Variants in RAD51B observed in about 807,000 individuals in gnomAD.
The protein encoded by RAD51B is DNA repair protein RAD51 homolog 2.
A neutral mutation model predicts 42.2 loss-of-function variants in RAD51B; 38 were observed. The ratio of observed to expected loss-of-function variants is 0.90; its 90% CI spans 0.70 to 1.18. The LOEUF (loss-of-function observed/expected upper bound fraction) is 1.18, where lower values mean the gene tolerates loss of function less well. Among genes scored for constraint, RAD51B ranks in the 50% most tolerant of loss-of-function variants. The probability of loss-of-function intolerance (pLI) is 0.00; values close to 1 mark genes in which losing one functional copy is unlikely to be tolerated. For missense variants in RAD51B, 373 were observed against 400.7 expected (o/e 0.93, Z 0.59); for synonymous variants, 154 against 145.2 (o/e 1.06, Z -0.43).
At chr14:68,357,800 A>T (rs1297197106) in intron 8 of RAD51B, among the ~76,000 whole-genome samples, 1 of 152,156 alleles carries the variant, frequency 6.6e-6, no homozygotes, top group Non-Finnish European at 1.5e-5. Flanking sequence ...ACCATGCTAC[A>T]AACAGATGTG....
At chr14:68,516,060 C>T (rs138888181) in intron 10 of RAD51B, among the ~76,000 whole-genome samples, 4,025 of 152,208 alleles carry the variant, frequency 0.026, 168 homozygotes, top group East Asian at 0.093. Context: ...GCTAGGATTA[C>T]GGGCGTGAGC....
At chr14:67,868,768 G>C (rs1285904359) in intron 5 of RAD51B, among the ~76,000 whole-genome samples, 1 of 152,304 alleles carries the variant, frequency 6.6e-6, no homozygotes, top group South Asian at 2.1e-4. Context: ...CCTCAAGTGG[G>C]TCCCTGACCC....
At chr14:68,404,834 G>A (rs551585769) in intron 8 of RAD51B, among the ~76,000 whole-genome samples, 135 of 152,298 alleles carry the variant, frequency 8.9e-4, no homozygotes, top group Non-Finnish European at 1.6e-3. Context: ...AGGAAGCCGA[G>A]TATGGAGCCT....
chr14:68,121,812 G>A (rs2077656503), intron 7 of RAD51B, among the ~76,000 whole-genome samples: 1 of 152,030 alleles, frequency 6.6e-6, no homozygotes, highest in Non-Finnish European at 1.5e-5. Flanking sequence ...GAACATTGCG[G>A]TGGGACTAGA....
chr14:68,306,966 A>G (rs1160537959), intron 8 of RAD51B, among the ~76,000 whole-genome samples: 1 of 152,118 alleles, frequency 6.6e-6, no homozygotes, highest in East Asian at 1.9e-4. Context: ...GAAATCCAGA[A>G]ACCTACATGA....
intron 7 of RAD51B, among the ~76,000 whole-genome samples, chr14:68,106,914 A>G (rs966366368): frequency 3.3e-5 from 5 of 151,918 alleles, no homozygotes; most frequent in African/African-American, 1.2e-4. Context: ...TCTAATCCAC[A>G]TAAAACCTTG....
At chr14:67,930,986 T>C (rs1318370309) in intron 7 of RAD51B, among the ~76,000 whole-genome samples, 2 of 151,830 alleles carry the variant, frequency 1.3e-5, no homozygotes, top group Non-Finnish European at 2.9e-5. Flanking sequence ...AGTGGTGCGA[T>C]CTCAGCTCAC....
chr14:67,913,002 CCTTA>C (rs1238252021), intron 7 of RAD51B, among the ~76,000 whole-genome samples: 1 of 152,168 alleles, frequency 6.6e-6, no homozygotes, highest in African/African-American at 2.4e-5. Context: ...CTGCACCCGG[CCTTA>C]CTTCTCTAGG....
At chr14:68,445,002 TCTCTGG>T (rs1485361788) in intron 9 of RAD51B, among the ~76,000 whole-genome samples, 1 of 151,568 alleles carries the variant, frequency 6.6e-6, no homozygotes, top group Non-Finnish European at 1.5e-5. Context: ...CTCGGGGAGC[TCTCTGG>T]CTCTGTGGCT....
At chr14:68,087,852 A>ATATATAATTATATTATT (rs2077010120) in intron 7 of RAD51B, among the ~76,000 whole-genome samples, 1 of 119,592 alleles carries the variant, frequency 8.4e-6, no homozygotes, top group African/African-American at 3.6e-5. Context: ...TAATTATTAT[A>ATATATAATTATATTATT]TATATAATTA....
At chr14:67,884,828 G>A (rs1185037569) in intron 5 of RAD51B, among the ~76,000 whole-genome samples, 2 of 152,050 alleles carry the variant, frequency 1.3e-5, no homozygotes, top group Admixed American at 6.5e-5. Context: ...AAAAACAGTT[G>A]TTGAAGTTCT....
intron 10 of RAD51B, among the ~76,000 whole-genome samples, chr14:68,515,785 T>TC (rs1443549445): frequency 6.8e-6 from 1 of 146,146 alleles, no homozygotes; most frequent in Non-Finnish European, 1.5e-5. Context: ...TTTCTTTTTT[T>TC]TTTTTTTTTT....
chr14:67,909,780 G>A (rs1214269729), intron 7 of RAD51B, among the ~76,000 whole-genome samples: 1 of 152,116 alleles, frequency 6.6e-6, no homozygotes, highest in Non-Finnish European at 1.5e-5. Flanking sequence ...CTGGGCTTAA[G>A]CCAGGGACTA....
chr14:68,630,254 C>A (rs933971659), intron 10 of RAD51B, among the ~76,000 whole-genome samples: 2 of 152,266 alleles, frequency 1.3e-5, no homozygotes, highest in Admixed American at 1.3e-4. Context: ...GTGTTTGTTT[C>A]CAGGCACTCT....
chr14:68,211,840 A>G (rs1255141221), intron 7 of RAD51B, among the ~76,000 whole-genome samples: 1 of 152,222 alleles, frequency 6.6e-6, no homozygotes, highest in East Asian at 1.9e-4. Context: ...GTAGTCTTCA[A>G]AGTTTCAGTG....
intron 10 of RAD51B, among the ~76,000 whole-genome samples, chr14:68,608,735 G>T (rs1296656391): frequency 6.6e-6 from 1 of 152,152 alleles, no homozygotes; most frequent in Non-Finnish European, 1.5e-5. Flanking sequence ...AACAGAGCAG[G>T]CCCCCTTTGC....
chr14:68,230,727 A>G (rs550834813), intron 7 of RAD51B, among the ~76,000 whole-genome samples: 3 of 152,244 alleles, frequency 2.0e-5, no homozygotes, highest in Non-Finnish European at 4.4e-5. Context: ...GAGTTGCCAA[A>G]AAGACCCTTA....
chr14:68,158,989 G>T (rs1040525772), intron 7 of RAD51B, among the ~76,000 whole-genome samples: 31 of 152,102 alleles, frequency 2.0e-4, no homozygotes, highest in African/African-American at 7.5e-4. Context: ...GAGCCTCAAA[G>T]ATTTGGTTAT....
At chr14:68,250,228 T>G (rs1488121572) in intron 7 of RAD51B, among the ~76,000 whole-genome samples, 1 of 152,220 alleles carries the variant, frequency 6.6e-6, no homozygotes, top group Non-Finnish European at 1.5e-5. Context: ...CCAGTCCCCC[T>G]CATTCGTCCT....
Sources: allele counts gnomAD v4.1 joint callset (sites outside exome capture counted in the v4.1 genomes callset), GRCh38; gene constraint gnomAD v4.1.1; transcripts MANE v1.5; gene names NCBI Gene and HGNC (gene_info 2026-07-23, HGNC 2026-07-21).